NLRC5: variants seen among roughly 807,000 people sequenced by gnomAD.
The protein encoded by NLRC5 is NLR family CARD domain containing 5, also known as protein NLRC5.
In NLRC5, 114 loss-of-function variants were observed where a neutral mutation model predicts 206.9. The ratio of observed to expected loss-of-function variants is 0.55; its 90% confidence interval spans 0.47 to 0.64. NLRC5 has a LOEUF of 0.64. Among genes scored for constraint, NLRC5 ranks in the 30% least tolerant of loss-of-function variants. NLRC5 has a pLI of 0.00. For synonymous variants in NLRC5, 952 were observed against 962.8 expected, an observed-to-expected ratio of 0.99 and a Z score of 0.21; for missense variants, 2,008 against 2,305.5, an observed-to-expected ratio of 0.87 and a Z score of 2.64.
rs2062736234 is a variant in NLRC5, at chr16:57,037,410, C to A, written c.2801+126C>A. On this transcript the variant is annotated intron_variant, in intron 15 of 48. Coordinates refer to ENST00000688547, the MANE Select transcript of NLRC5 (RefSeq NM_001384950.1). ...AGATGCTGCTGCTGTCCCACCCAGA[C>A]CCCGTTACAGCCGGCACCCCTCTTC... is the stretch of plus-strand genomic sequence containing the variant. The A allele has an allele frequency of 2.3e-5, 19 of 838,438 alleles. No homozygotes were observed. In the South Asian group the frequency reaches 2.7e-4, roughly 12 times the overall value. 51.9% of individuals were successfully genotyped at this position (838,438 alleles called of 1,614,324 possible). A position where few individuals can be genotyped will look rare whatever the true frequency, so the allele number is the denominator to read the frequency against.
intron 22 of NLRC5, among the ~76,000 whole-genome samples, chr16:57,047,281 G>A (rs2064115490): frequency 1.3e-5 from 2 of 152,150 alleles, no homozygotes; most frequent in South Asian, 4.1e-4. Context: ...TGGTGGCCTG[G>A]GCTCTGGAGG....
intron 24 of NLRC5, among the ~76,000 whole-genome samples, chr16:57,054,393 A>G (rs2144381455): frequency 6.6e-6 from 1 of 152,304 alleles, no homozygotes; most frequent in East Asian, 1.9e-4. Context: ...GCAGGTAAAA[A>G]CAATAGTAAT....
intron 1 of NLRC5, among the ~76,000 whole-genome samples, chr16:57,014,901 A>G (rs1308383719): frequency 6.8e-6 from 1 of 147,728 alleles, no homozygotes; most frequent in Non-Finnish European, 1.5e-5. Flanking sequence ...AGAAAGGGCA[A>G]GCGCTCTCCA....
At chr16:57,078,391 G>C (rs550107498) in intron 43 of NLRC5, among the ~76,000 whole-genome samples, 38 of 151,832 alleles carry the variant, frequency 2.5e-4, no homozygotes, top group Middle Eastern at 3.4e-3. Context: ...GCCAATCAAC[G>C]TGGCCTCAGC....
intron 24 of NLRC5, 68 bp from the exon 25 acceptor site, chr16:57,054,683 C>A (rs1030978130): frequency 4.4e-6 from 5 of 1,133,338 alleles, no homozygotes; most frequent in Non-Finnish European, 4.0e-6. Context: ...CCTCCCTTTC[C>A]TTACCCTCCA....
chr16:57,040,468 T>C (rs905004499), intron 16 of NLRC5, among the ~76,000 whole-genome samples, 182 bp from the exon 17 acceptor site: 10 of 152,140 alleles, frequency 6.6e-5, no homozygotes, highest in South Asian at 2.1e-4. Context: ...CAGTCTCCCA[T>C]TGAGAGGCTG....
chr16:57,027,023 G>C lies in NLRC5; in HGVS notation c.2075+5G>C. On this transcript the variant is annotated splice_donor_5th_base_variant and intron_variant, in intron 6 of 48. Coordinates refer to ENST00000688547, the MANE Select transcript of NLRC5 (RefSeq NM_001384950.1). The stretch of plus-strand genomic sequence containing the variant: ...TGGGCAGATAGAGAATCTCAGGTGA[G>C]TAAGAGTGGAGGAGGACCGGGGAGG... 6.2e-7 allele frequency: 1 copy of C among 1,611,318 alleles called. No homozygotes were observed. The highest frequency in any genetic ancestry group is 8.5e-7 in the Non-Finnish European group (1 of 1,178,074).
intron 11 of NLRC5, among the ~76,000 whole-genome samples, chr16:57,033,231 C>A (rs1005189680): frequency 6.6e-6 from 1 of 152,192 alleles, no homozygotes; most frequent in Non-Finnish European, 1.5e-5. Context: ...TGTTTACTAA[C>A]CTTCGATTTT....
At chr16:57,006,071 C>T (rs1335246829) in intron 1 of NLRC5, among the ~76,000 whole-genome samples, 2 of 150,520 alleles carry the variant, frequency 1.3e-5, no homozygotes, top group Non-Finnish European at 3.0e-5. Flanking sequence ...AATCTTGGCT[C>T]ACTGCAGCCT....
At chr16:57,067,302 C>A in intron 34 of NLRC5, 85 bp from the exon 35 acceptor site, 1 of 1,069,768 alleles carries the variant, frequency 9.3e-7, no homozygotes, top group Non-Finnish European at 1.5e-6. Flanking sequence ...TTTACCCCTA[C>A]ACCATAAGCT....
rs778130349 is a variant in NLRC5, at chr16:57,077,759, T to C, written c.4960T>C (p.Leu1654=). The C allele has an allele frequency of 1.2e-6, 2 of 1,604,920 alleles. No individual in the cohort carries two copies. Among genetic ancestry groups the C allele is most frequent in the Middle Eastern group, 1.7e-4 (1 of 6,044 alleles). ...NSISSAGGVQ[L]AESLVLCRRL... ...CATCAGCTCAGCCGGGGGAGTGCAGTTGGCAGAGTCTCTCGTTCTTTGCAG... is the reference window on the plus strand; with the variant it reads ...CATCAGCTCAGCCGGGGGAGTGCAGCTGGCAGAGTCTCTCGTTCTTTGCAG... Residue 1654 remains leucine (L), a synonymous_variant, in exon 42 of 49, where the codon TTG becomes CTG. Transcript: ENST00000688547.
At chr16:57,044,804 G>T (rs1838699372) in intron 20 of NLRC5, among the ~76,000 whole-genome samples, 1 of 151,870 alleles carries the variant, frequency 6.6e-6, no homozygotes, top group South Asian at 2.1e-4. Flanking sequence ...CACCTACTTG[G>T]GAGGCTGAGG....
chr16:57,038,067 T>G (rs1430437088), intron 15 of NLRC5, among the ~76,000 whole-genome samples: 2 of 152,104 alleles, frequency 1.3e-5, no homozygotes, highest in East Asian at 3.9e-4. Flanking sequence ...TGCAAACACA[T>G]TTAGCTGTAG....
intron 1 of NLRC5, among the ~76,000 whole-genome samples, chr16:56,995,650 C>T (rs289735): frequency 0.29 from 43,739 of 152,016 alleles, 6,403 homozygotes; most frequent in East Asian, 0.32. Context: ...TTGTCCTGCA[C>T]GGTCCCTTCT....
chr16:57,013,107 A>C, intron 1 of NLRC5: 1 of 304,194 alleles, frequency 3.3e-6, no homozygotes. Context: ...ATAAGATCAC[A>C]ATTATAGTGA....
intron 28 of NLRC5, 190 bp downstream of exon 28, chr16:57,058,338 A>G: frequency 1.7e-6 from 1 of 579,086 alleles, no homozygotes; most frequent in Non-Finnish European, 3.1e-6. Flanking sequence ...CCTCACACCC[A>G]CCATGGGCAG....
intron 21 of NLRC5, 45 bp from the exon 22 acceptor site, chr16:57,046,507 G>T (rs775863036): frequency 1.3e-6 from 2 of 1,548,316 alleles, no homozygotes; most frequent in Non-Finnish European, 1.8e-6. Context: ...CTGGGAGTCC[G>T]AGGGGGTGAT....
intron 19 of NLRC5, 77 bp from the exon 20 acceptor site, chr16:57,043,438 C>T (rs747446503): frequency 3.9e-5 from 43 of 1,113,756 alleles, no homozygotes; most frequent in Admixed American, 5.1e-5. Context: ...ATCCCTCCCC[C>T]GCCCTGTGCC....
intron 4 of NLRC5, 108 bp downstream of exon 4, chr16:57,022,423 C>A: frequency 1.0e-6 from 1 of 957,396 alleles, no homozygotes; most frequent in Non-Finnish European, 1.6e-6. Flanking sequence ...ACAGCCATTT[C>A]TCATAGGCCA....
Sources: gnomAD v4.1 joint callset for allele counts (sites outside exome capture counted in the v4.1 genomes callset) on GRCh38, gnomAD v4.1.1 for gene constraint, MANE v1.5 for transcripts, NCBI Gene and HGNC (gene_info 2026-07-23, HGNC 2026-07-21) for gene names.